CDH8: variants seen among roughly 807,000 people sequenced by gnomAD.
CDH8 encodes cadherin-8.
In CDH8, 17 loss-of-function variants were observed where a neutral mutation model predicts 68.1. The ratio of observed to expected loss-of-function variants is 0.25; its 90% CI spans 0.17 to 0.37. The LOEUF is 0.37. Among genes scored for constraint, CDH8 ranks in the 10% least tolerant of loss-of-function variants. CDH8 has a pLI of 1.00. For synonymous variants in CDH8, 372 were observed against 365.1 expected (o/e 1.02, Z -0.21); for missense variants, 763 against 999.3 (o/e 0.76, Z 3.19).
At chr16:61,986,965 AT>A (rs1965639720) in intron 2 of CDH8, among the ~76,000 whole-genome samples, 1 of 152,212 alleles carries the variant, frequency 6.6e-6, no homozygotes, top group Admixed American at 6.5e-5. Flanking sequence ...ATTCGCAACA[AT>A]AATGGAAAAA....
At chr16:61,680,210 T>C (rs1963987543) in intron 10 of CDH8, among the ~76,000 whole-genome samples, 1 of 151,964 alleles carries the variant, frequency 6.6e-6, no homozygotes, top group Non-Finnish European at 1.5e-5. Flanking sequence ...TGATTGTCCA[T>C]TACTCTAATA....
chr16:61,705,189 G>T (rs906839324), intron 10 of CDH8, among the ~76,000 whole-genome samples: 1 of 152,116 alleles, frequency 6.6e-6, no homozygotes, highest in African/African-American at 2.4e-5. Flanking sequence ...GATAGAATAG[G>T]CAACAGATGG....
intron 8 of CDH8, among the ~76,000 whole-genome samples, chr16:61,730,883 C>T (rs117114822): frequency 0.023 from 3,537 of 151,644 alleles, 70 homozygotes; most frequent in Non-Finnish European, 0.035. Flanking sequence ...TTCCTTGTTG[C>T]TTTTTAAGAC....
chr16:61,753,886 A>T (rs1031840840), intron 8 of CDH8, among the ~76,000 whole-genome samples: 2 of 152,078 alleles, frequency 1.3e-5, no homozygotes, highest in African/African-American at 4.8e-5. Flanking sequence ...CAATAATAAA[A>T]ACAGTAGGAG....
chr16:61,655,352 A>C, intron 11 of CDH8, 118 bp downstream of exon 11: 6 of 956,316 alleles, frequency 6.3e-6, no homozygotes, highest in Non-Finnish European at 9.4e-6. Flanking sequence ...AAGGAAAGGA[A>C]GTTCCTCTTC....
intron 8 of CDH8, among the ~76,000 whole-genome samples, chr16:61,761,917 T>C (rs1960480773): frequency 6.6e-6 from 1 of 152,080 alleles, no homozygotes; most frequent in South Asian, 2.1e-4. Flanking sequence ...GGAGGATCAC[T>C]TGAACCTACA....
chr16:61,868,111 T>C (rs532642359), intron 3 of CDH8, among the ~76,000 whole-genome samples: 2 of 152,264 alleles, frequency 1.3e-5, no homozygotes, highest in East Asian at 3.9e-4. Context: ...AGCCTCTGAG[T>C]CTGCTATGAA....
chr16:61,870,252 C>T (rs950696221), intron 3 of CDH8, among the ~76,000 whole-genome samples: 2 of 152,160 alleles, frequency 1.3e-5, no homozygotes, highest in African/African-American at 2.4e-5. Flanking sequence ...ATACACAACC[C>T]GTTCTGTCCC....
intron 6 of CDH8, among the ~76,000 whole-genome samples, chr16:61,819,621 A>T (rs1036931488): frequency 3.3e-5 from 5 of 152,228 alleles, no homozygotes; most frequent in African/African-American, 1.2e-4. Flanking sequence ...ATTGATTTTT[A>T]AAAATATGTT....
intron 1 of CDH8, among the ~76,000 whole-genome samples, chr16:62,027,218 A>C (rs1902217387): frequency 6.6e-6 from 1 of 152,202 alleles, no homozygotes. Flanking sequence ...AAATACTTAA[A>C]ATCTGACTTT....
chr16:61,983,291 A>T (rs1965569817), intron 2 of CDH8, among the ~76,000 whole-genome samples: 1 of 152,142 alleles, frequency 6.6e-6, no homozygotes, highest in Non-Finnish European at 1.5e-5. Flanking sequence ...TAGTTTATTT[A>T]TTTTCGCCAA....
chr16:61,790,206 G>A (rs900380294), intron 7 of CDH8, among the ~76,000 whole-genome samples: 16 of 151,928 alleles, frequency 1.1e-4, no homozygotes, highest in Admixed American at 3.3e-4. Context: ...AAGCAAACTC[G>A]TTCAGATAAG....
At chr16:61,816,502 TC>T (rs1197234245) in intron 7 of CDH8, among the ~76,000 whole-genome samples, 5 of 152,192 alleles carry the variant, frequency 3.3e-5, no homozygotes, top group African/African-American at 1.2e-4. Flanking sequence ...GACATCAAAC[TC>T]AGAAATCAGC....
chr16:61,758,624 G>C (rs894951053), intron 8 of CDH8, among the ~76,000 whole-genome samples: 1 of 152,004 alleles, frequency 6.6e-6, no homozygotes, highest in African/African-American at 2.4e-5. Flanking sequence ...GTACAGACAG[G>C]GTTTCTCCAT....
intron 2 of CDH8, 83 bp downstream of exon 2, chr16:62,021,069 G>C (rs1037395929): frequency 1.4e-5 from 17 of 1,194,960 alleles, no homozygotes; most frequent in Non-Finnish European, 2.1e-5. Flanking sequence ...GCTAAGTGTG[G>C]TCACAATTAA....
At chr16:61,955,372 T>C (rs1964969704) in intron 2 of CDH8, among the ~76,000 whole-genome samples, 2 of 152,208 alleles carry the variant, frequency 1.3e-5, no homozygotes, top group Admixed American at 1.3e-4. Context: ...CATCAAGCTG[T>C]AGCCAATCCC....
chr16:61,664,781 T>C (rs75754727), intron 10 of CDH8, among the ~76,000 whole-genome samples: 6,563 of 152,034 alleles, frequency 0.043, 424 homozygotes, highest in East Asian at 0.26. Flanking sequence ...CAGAATTCTA[T>C]TTTACTGAAG....
At chr16:61,947,947 C>A (rs1339498364) in intron 2 of CDH8, among the ~76,000 whole-genome samples, 1 of 152,086 alleles carries the variant, frequency 6.6e-6, no homozygotes, top group African/African-American at 2.4e-5. Flanking sequence ...TGGTCAAGAG[C>A]ACAGGTCTTC....
At chr16:61,813,305 A>G (rs1961993465) in intron 7 of CDH8, among the ~76,000 whole-genome samples, 1 of 152,212 alleles carries the variant, frequency 6.6e-6, no homozygotes. Context: ...TAGGCATGGC[A>G]CCATCATAAG....
Sources: allele counts gnomAD v4.1 joint callset (sites outside exome capture counted in the v4.1 genomes callset), GRCh38; gene constraint gnomAD v4.1.1; transcripts MANE v1.5; gene names NCBI Gene and HGNC (gene_info 2026-07-23, HGNC 2026-07-21).